SNX18: variants seen among roughly 807,000 people sequenced by gnomAD.
SNX18 encodes sorting nexin 18, also known as sorting nexin-18.
SNX18 carries 35 observed loss-of-function variants against 48.7 expected under a neutral mutation model. The ratio of observed to expected loss-of-function variants is 0.72; its 90% CI spans 0.55 to 0.95. SNX18 has a LOEUF of 0.95. Among genes scored for constraint, SNX18 ranks in the 40% least tolerant of loss-of-function variants. SNX18 has a pLI of 0.00. For missense variants in SNX18, 824 were observed against 871.0 expected, an observed-to-expected ratio of 0.95 and a Z score of 0.68; for synonymous variants, 492 against 384.7, an observed-to-expected ratio of 1.28 and a Z score of -3.26.
At chr5:54,604,913 G>T in the SNX18 span, among the ~76,000 whole-genome samples, 1 of 152,154 alleles carries the variant, frequency 6.6e-6, no homozygotes, top group Non-Finnish European at 1.5e-5. Flanking sequence ...AGATCTGAAT[G>T]TCAAGAATAA....
intron 1 of SNX18, among the ~76,000 whole-genome samples, chr5:54,529,235 A>G (rs2548648): frequency 0.98 from 149,380 of 152,142 alleles, 73,340 homozygotes; most frequent in East Asian, 1. Flanking sequence ...CCTGCAGAGT[A>G]GGGTAAGGGA....
the SNX18 span, among the ~76,000 whole-genome samples, chr5:54,610,342 C>T: frequency 1.1e-4 from 16 of 152,172 alleles, no homozygotes; most frequent in African/African-American, 3.6e-4. Context: ...CTGAACATGT[C>T]GCTACATTGC....
At chr5:54,602,303 A>G in the SNX18 span, among the ~76,000 whole-genome samples, 9 of 152,182 alleles carry the variant, frequency 5.9e-5, no homozygotes, top group Non-Finnish European at 1.2e-4. Flanking sequence ...GCTGGCCCCA[A>G]TAGAGAGGGC....
chr5:54,612,255 T>C, the SNX18 span, among the ~76,000 whole-genome samples: 2 of 68,856 alleles, frequency 2.9e-5, no homozygotes, highest in African/African-American at 1.1e-4. Flanking sequence ...AGGGTGGGAA[T>C]TTTTTTTTAT....
the SNX18 span, among the ~76,000 whole-genome samples, chr5:54,615,660 T>G: frequency 6.6e-6 from 1 of 152,190 alleles, no homozygotes; most frequent in Admixed American, 6.5e-5. Flanking sequence ...GCCACCTAGT[T>G]TGGGCTTTAA....
At chr5:54,535,699 G>A (rs1321254980) in intron 1 of SNX18, among the ~76,000 whole-genome samples, 1 of 152,054 alleles carries the variant, frequency 6.6e-6, no homozygotes, top group Non-Finnish European at 1.5e-5. Flanking sequence ...ATTAGCTGTG[G>A]GACTTTGAAC....
the SNX18 span, among the ~76,000 whole-genome samples, chr5:54,609,623 A>G: frequency 6.6e-6 from 1 of 151,986 alleles, no homozygotes; most frequent in Non-Finnish European, 1.5e-5. Context: ...AAATCCTTCT[A>G]TTTGTCCCAC....
chr5:54,645,748 T>G, the SNX18 span: 2 of 152,232 alleles, frequency 1.3e-5, no homozygotes, highest in Non-Finnish European at 2.9e-5. Flanking sequence ...TTTCAAAGGA[T>G]TCAGAGAAGG....
chr5:54,546,680 G>A (rs1762581318), downstream of SNX18: 1 of 152,158 alleles, frequency 6.6e-6, no homozygotes, highest in African/African-American at 2.4e-5. Flanking sequence ...AGCATGTTCT[G>A]TCTTGAGCTT....
chr5:54,633,145 G>A, the SNX18 span, among the ~76,000 whole-genome samples: 2 of 152,006 alleles, frequency 1.3e-5, no homozygotes, highest in African/African-American at 2.4e-5. Flanking sequence ...CTCCTCTTTC[G>A]ACCTGCCTGG....
chr5:54,528,288 T>C (rs929684139), intron 1 of SNX18, among the ~76,000 whole-genome samples: 2 of 152,168 alleles, frequency 1.3e-5, no homozygotes, highest in Non-Finnish European at 2.9e-5. Context: ...CACGGAGCAC[T>C]GAGCTCATGT....
At chr5:54,533,365 G>A (rs2112849742) in intron 1 of SNX18, among the ~76,000 whole-genome samples, 1 of 152,322 alleles carries the variant, frequency 6.6e-6, no homozygotes, top group Non-Finnish European at 1.5e-5. Flanking sequence ...AACCCACTTA[G>A]TATGAATCCA....
the SNX18 span, among the ~76,000 whole-genome samples, chr5:54,578,963 A>G: frequency 6.6e-6 from 1 of 152,190 alleles, no homozygotes; most frequent in African/African-American, 2.4e-5. Flanking sequence ...CACTTATTGG[A>G]TAGTTTAAGC....
chr5:54,606,693 C>T, the SNX18 span, among the ~76,000 whole-genome samples: 1 of 152,164 alleles, frequency 6.6e-6, no homozygotes, highest in South Asian at 2.1e-4. Flanking sequence ...GGCTAGATCT[C>T]GTGTATTCTT....
intron 1 of SNX18, among the ~76,000 whole-genome samples, chr5:54,525,393 AT>A (rs1762112545): frequency 6.7e-6 from 1 of 148,254 alleles, no homozygotes; most frequent in East Asian, 2.0e-4. Context: ...AAAAAAAAAA[AT>A]TAAGGGCGCT....
the SNX18 span, among the ~76,000 whole-genome samples, chr5:54,552,796 G>C: frequency 6.6e-6 from 1 of 152,172 alleles, no homozygotes; most frequent in African/African-American, 2.4e-5. Context: ...TAATGAAATA[G>C]ATTAGTGAAC....
rs1762527852 is a variant in SNX18 at position 54,544,255 on chromosome 5, A to C, written c.*823A>C. ...AAGCTTGGCGTGAAGATTTCAGCAA[A>C]CATGTCTTACAACATGAGGAGGAGG... is the stretch of plus-strand genomic sequence containing the variant. On this transcript the variant is annotated 3_prime_UTR_variant, in exon 2 of 2. Transcript: ENST00000381410. 1 of 152,168 alleles carries C rather than the reference A, an allele frequency of 6.6e-6. No individual in the cohort carries two copies. The allele number at this position is 152,168 out of a possible 1,614,324, so 9.4% of individuals were successfully genotyped here.
At chr5:54,574,809 T>C in the SNX18 span, among the ~76,000 whole-genome samples, 2 of 152,038 alleles carry the variant, frequency 1.3e-5, no homozygotes, top group East Asian at 3.9e-4. Flanking sequence ...ACCAGGGCTG[T>C]CTAGAGACTA....
chr5:54,604,702 G>A, the SNX18 span, among the ~76,000 whole-genome samples: 2 of 152,156 alleles, frequency 1.3e-5, no homozygotes, highest in Admixed American at 1.3e-4. Flanking sequence ...AGTGATGGTT[G>A]TGCAACATTG....
Sources: gnomAD v4.1 joint callset for allele counts (sites outside exome capture counted in the v4.1 genomes callset) on GRCh38, gnomAD v4.1.1 for gene constraint, MANE v1.5 for transcripts, NCBI Gene and HGNC (gene_info 2026-07-23, HGNC 2026-07-21) for gene names.